Variants in RHOBTB3 observed in about 807,000 individuals in gnomAD.
RHOBTB3 encodes the protein Rho related BTB domain containing 3.
A neutral mutation model predicts 67.2 loss-of-function variants in RHOBTB3; 47 were observed. That is an observed-to-expected ratio of 0.70 (90% CI 0.55 to 0.89). RHOBTB3 has a LOEUF of 0.89. Among genes scored for constraint, RHOBTB3 ranks in the 40% least tolerant of loss-of-function variants. The pLI, the probability that RHOBTB3 is intolerant of heterozygous loss-of-function variation, is 0.00. For synonymous variants in RHOBTB3, 273 were observed against 274.2 expected (o/e 1.00, Z 0.04); for missense variants, 631 against 750.0 (o/e 0.84, Z 1.85).
chr5:95,748,275 G>A, intron 3 of RHOBTB3, 58 bp from the exon 4 acceptor site: 1 of 1,334,330 alleles, frequency 7.5e-7, no homozygotes, highest in Admixed American at 2.1e-5. Flanking sequence ...GATTGTCTGT[G>A]TACCTTTTTT....
intron 2 of RHOBTB3, among the ~76,000 whole-genome samples, chr5:95,736,084 A>G (rs1755448541): frequency 6.6e-6 from 1 of 152,252 alleles, no homozygotes; most frequent in Non-Finnish European, 1.5e-5. Flanking sequence ...GCTGGTCGAC[A>G]GAAAAAAAAT....
intron 8 of RHOBTB3, among the ~76,000 whole-genome samples, chr5:95,768,550 C>G (rs1273757791): frequency 6.6e-6 from 1 of 152,154 alleles, no homozygotes; most frequent in Non-Finnish European, 1.5e-5. Flanking sequence ...TTATCCAGCT[C>G]TCTTCCTTTT....
intron 3 of RHOBTB3, among the ~76,000 whole-genome samples, chr5:95,740,381 G>A (rs1272466546): frequency 1.3e-5 from 2 of 152,190 alleles, no homozygotes. Context: ...ATACATGGAA[G>A]TGACTATAAA....
In RHOBTB3 at chr5:95,754,737, G is replaced by C. The variant is rs140741802; in HGVS notation, c.683-659G>C. On this transcript the variant is annotated intron_variant, in intron 5 of 11. Transcript: ENST00000379982. ...GGTTATATTCTCTTTTAGAAATTAG[G>C]GAGCTGAGTTAGCACTTTTGCTGAA... Among the ~76,000 whole-genome samples the C allele has an allele frequency of 2.2e-3, 336 of 152,256 alleles. 3 individuals carry two copies. The highest frequency in any genetic ancestry group is 7.7e-3 in the African/African-American group (321 of 41,542).
In RHOBTB3 at chr5:95,787,935, G is replaced by A. The variant is rs117899661; in HGVS notation, c.1624-827G>A. ...TGGAAATGGATAGTGGTGTTGGGTTGCCCCACCATGTGTATGCACTTATTA... is the reference window on the plus strand; with the variant it reads ...TGGAAATGGATAGTGGTGTTGGGTTACCCCACCATGTGTATGCACTTATTA... On this transcript the variant is annotated intron_variant, in intron 10 of 11. Transcript: ENST00000379982. 7.2e-4 allele frequency among the ~76,000 whole-genome samples: 109 copies of A among 152,314 alleles called. No homozygotes were observed. The East Asian group carries it at 0.019, about 26-fold the overall frequency.
chr5:95,749,584 T>G (rs944220920), intron 4 of RHOBTB3, among the ~76,000 whole-genome samples: 4 of 152,170 alleles, frequency 2.6e-5, no homozygotes, highest in South Asian at 2.1e-4. Context: ...AGTAGAAAGG[T>G]GGATAAGAGA....
chr5:95,731,306 G>A, upstream of RHOBTB3: 5 of 1,052,256 alleles, frequency 4.8e-6, no homozygotes, highest in Non-Finnish European at 5.7e-6. Flanking sequence ...CCCCTTCTCT[G>A]CTTAGAGGAG....
chr5:95,735,763 T>C (rs1755440238), intron 2 of RHOBTB3, among the ~76,000 whole-genome samples: 1 of 152,196 alleles, frequency 6.6e-6, no homozygotes, highest in Admixed American at 6.5e-5. Flanking sequence ...AAAGATATTT[T>C]CCTTACATCA....
At chr5:95,721,084 A>G (rs1754856646) in intron 1 of RHOBTB3, among the ~76,000 whole-genome samples, 1 of 152,268 alleles carries the variant, frequency 6.6e-6, no homozygotes, top group African/African-American at 2.4e-5. Context: ...TTAAATCAAT[A>G]AGGATACACT....
Position 95,755,345 on chromosome 5 carries a change from G to A in RHOBTB3, c.683-51G>A, listed in dbSNP as rs1287726167. On this transcript the variant is annotated intron_variant, in intron 5 of 11. Coordinates refer to ENST00000379982, the MANE Select transcript of RHOBTB3 (RefSeq NM_014899.4). ...TTTAAAGTAAACATGAAATTGTTGGGTCTGTAAACCTGAAAGGAGTTTATT... is the reference window on the plus strand; with the variant it reads ...TTTAAAGTAAACATGAAATTGTTGGATCTGTAAACCTGAAAGGAGTTTATT... The A allele has an allele frequency of 2.3e-6, 3 of 1,313,456 alleles. No homozygotes were observed. The African/African-American group carries it at 4.4e-5, about 19-fold the overall frequency. The allele number at this position is 1,313,456 out of a possible 1,614,324, so 81.4% of individuals were successfully genotyped here.
intron 3 of RHOBTB3, among the ~76,000 whole-genome samples, chr5:95,741,990 G>C (rs564403961): frequency 6.6e-6 from 1 of 152,118 alleles, no homozygotes; most frequent in Non-Finnish European, 1.5e-5. Flanking sequence ...ATATTTGCTT[G>C]CAGGGAGTCA....
intron 11 of RHOBTB3, among the ~76,000 whole-genome samples, 186 bp from the exon 12 acceptor site, chr5:95,792,870 CATA>C (rs1746454224): frequency 6.6e-6 from 1 of 151,240 alleles, no homozygotes; most frequent in Non-Finnish European, 1.5e-5. Context: ...TTGTAAGTCA[CATA>C]ATAACTTAAA....
intron 3 of RHOBTB3, among the ~76,000 whole-genome samples, chr5:95,745,665 C>T (rs1744874935): frequency 6.6e-6 from 1 of 151,982 alleles, no homozygotes; most frequent in African/African-American, 2.4e-5. Flanking sequence ...AAATAGACAG[C>T]ATTTTATGAT....
intron 4 of RHOBTB3, among the ~76,000 whole-genome samples, chr5:95,750,153 A>G (rs982815581): frequency 6.6e-6 from 1 of 152,212 alleles, no homozygotes; most frequent in Non-Finnish European, 1.5e-5. Flanking sequence ...ATGGATGGAG[A>G]TGATAATGTT....
At chr5:95,724,537 A>T in intron 1 of RHOBTB3, among the ~76,000 whole-genome samples, 1 of 152,214 alleles carries the variant, frequency 6.6e-6, no homozygotes, top group East Asian at 1.9e-4. Context: ...GTAAGGGCAC[A>T]GACCCTGGGG....
chr5:95,766,698 G>A (rs1324337957), intron 7 of RHOBTB3, among the ~76,000 whole-genome samples: 1 of 152,120 alleles, frequency 6.6e-6, no homozygotes, highest in African/African-American at 2.4e-5. Context: ...TTGGCACACA[G>A]GGGATACCTG....
Position 95,755,465 on chromosome 5 carries a change from G to A in RHOBTB3, c.752G>A (p.Cys251Tyr). 1.2e-6 allele frequency: 2 copies of A among 1,613,648 alleles called. No individual in the cohort carries two copies. The highest frequency in any genetic ancestry group is 3.3e-5 in the Admixed American group (2 of 59,972). The change falls in exon 6 of 12, where the codon TGC becomes TAC. Residue 251 changes from cysteine (C) to tyrosine (Y), a missense_variant. By Grantham distance (194) the Cys-to-Tyr change is radical (BLOSUM62 -2). Coordinates refer to ENST00000379982, the MANE Select transcript of RHOBTB3 (RefSeq NM_014899.4). ...GACTTAAATAACTTGCTGTTCTGCT[G>A]CCAGTGTGTGGACGTGGTATTTTAC... ...NSDLNNLLFC[C>Y]QCVDVVFYNP...
rs755405403 is a variant in RHOBTB3, at chr5:95,732,100, T to C, written c.228+16T>C. On this transcript the variant is annotated intron_variant, in intron 2 of 11. Coordinates refer to ENST00000379982, the MANE Select transcript of RHOBTB3 (RefSeq NM_014899.4). The stretch of plus-strand genomic sequence containing the variant: ...TCCCGTCTGGGTAAGGAAGAGCAGC[T>C]GCTCCGCGCTGAGGCTGAAGAAGCT... The C allele has an allele frequency of 6.2e-7, 1 of 1,608,212 alleles. No homozygotes were observed. Among genetic ancestry groups the C allele is most frequent in the South Asian group, 1.1e-5 (1 of 90,964 alleles).
upstream of RHOBTB3, among the ~76,000 whole-genome samples, chr5:95,729,227 G>A (rs1161509284): frequency 1.3e-5 from 2 of 152,122 alleles, no homozygotes; most frequent in Non-Finnish European, 2.9e-5. Context: ...ATTCTTCGCT[G>A]GAGGTCCAAG....
Sources: gnomAD v4.1 joint callset for allele counts (sites outside exome capture counted in the v4.1 genomes callset) on GRCh38, gnomAD v4.1.1 for gene constraint, MANE v1.5 for transcripts, NCBI Gene and HGNC (gene_info 2026-07-23, HGNC 2026-07-21) for gene names.